TG: variants seen among roughly 807,000 people sequenced by gnomAD.
The protein encoded by TG is thyroid hormones.
Under a neutral mutation model 324.7 loss-of-function variants are expected in TG, and 270 were observed. That is an observed-to-expected ratio of 0.83 (90% CI 0.75 to 0.92). TG has a LOEUF of 0.92. Ranked by LOEUF, TG falls within the 40% of genes least tolerant of loss-of-function variation. The pLI is 0.00. For synonymous variants in TG, 1,401 were observed against 1,327.0 expected (o/e 1.06, Z -1.21); for missense variants, 3,591 against 3,456.4 (o/e 1.04, Z -0.98).
chr8:133,020,340 G>A (rs1032644194), intron 39 of TG, among the ~76,000 whole-genome samples: 1 of 152,180 alleles, frequency 6.6e-6, no homozygotes, highest in African/African-American at 2.4e-5. Context: ...CAGGTGACAG[G>A]CCCTGCACAG....
chr8:133,111,583 G>C (rs1850249934), intron 43 of TG, among the ~76,000 whole-genome samples: 1 of 152,168 alleles, frequency 6.6e-6, no homozygotes, highest in South Asian at 2.1e-4. Context: ...GAACAGACTA[G>C]ACTAGACTAG....
chr8:133,012,453 A>G (rs1834605533), intron 36 of TG, among the ~76,000 whole-genome samples: 1 of 152,170 alleles, frequency 6.6e-6, no homozygotes, highest in African/African-American at 2.4e-5. Context: ...TTTGGGAGAC[A>G]TTTTTCAATG....
At chr8:132,931,069 T>A (rs1822648936) in intron 23 of TG, among the ~76,000 whole-genome samples, 1 of 152,204 alleles carries the variant, frequency 6.6e-6, no homozygotes, top group Non-Finnish European at 1.5e-5. Context: ...CTTGTAATTC[T>A]GGAGGCCAGA....
chr8:133,071,452 G>A (rs1844017419), intron 41 of TG, among the ~76,000 whole-genome samples: 2 of 152,194 alleles, frequency 1.3e-5, no homozygotes, highest in Non-Finnish European at 1.5e-5. Flanking sequence ...TTTCTGGCAA[G>A]GTTATGGTAC....
intron 35 of TG, among the ~76,000 whole-genome samples, chr8:132,987,956 G>T (rs1419321048): frequency 6.6e-6 from 1 of 152,022 alleles, no homozygotes; most frequent in African/African-American, 2.4e-5. Flanking sequence ...ACAGGTGCAT[G>T]AGATTTCAGA....
At chr8:133,073,680 T>G (rs1027912671) in intron 41 of TG, among the ~76,000 whole-genome samples, 28 of 152,122 alleles carry the variant, frequency 1.8e-4, no homozygotes, top group African/African-American at 6.5e-4. Context: ...AACCACACAA[T>G]GACAATTTAA....
chr8:132,882,649 T>C, intron 7 of TG, 37 bp downstream of exon 7: 2 of 1,614,162 alleles, frequency 1.2e-6, no homozygotes, highest in Non-Finnish European at 8.5e-7. Flanking sequence ...CGTGTTTCCA[T>C]TAGGGGGACG....
chr8:132,983,239 C>A, intron 34 of TG, 111 bp from the exon 35 acceptor site: 2 of 1,173,680 alleles, frequency 1.7e-6, no homozygotes, highest in Non-Finnish European at 2.6e-6. Flanking sequence ...AATCTGTCTG[C>A]CTTCCAAGTC....
intron 43 of TG, chr8:133,102,662 AT>A (rs1849416227): frequency 8.8e-7 from 1 of 1,140,442 alleles, no homozygotes; most frequent in Non-Finnish European, 1.3e-6. Flanking sequence ...GTCATGGGGA[AT>A]TTCTCCCCCT....
In TG at chr8:132,966,663, T is replaced by C. The variant is rs1009825006; in HGVS notation, c.5652T>C (p.Phe1884=). ...SQKHWLFKHL[F]SAQQANLWCL... ...AGCACTGGCTTTTCAAGCACCTGTT[T>C]TCAGCCCAGCAGGCAAACCTATGGT... is the stretch of plus-strand genomic sequence containing the variant. The change falls in exon 30 of 48, where the codon TTT becomes TTC. Residue 1884 remains phenylalanine (F), a synonymous_variant. Transcript: ENST00000220616. The C allele has an allele frequency of 6.2e-7, 1 of 1,614,010 alleles. No individual in the cohort carries two copies. Among genetic ancestry groups the C allele is most frequent in the Non-Finnish European group, 8.5e-7 (1 of 1,180,010 alleles).
At position 133,095,144 on chromosome 8, in the gene TG, G is replaced by A; in HGVS notation, c.7340G>A (p.Ser2447Asn). 1 of 1,614,252 alleles carries A rather than the reference G, an allele frequency of 6.2e-7. No individual in the cohort carries two copies. The highest frequency in any genetic ancestry group is 1.1e-5 in the South Asian group (1 of 91,088). ...GAGGTCAGTTGCCCCATGTCATCCA[G>A]CCAAGAAGTGGTGTCCTGCCTCCGC... ...AKEVSCPMSSSQEVVSCLRQK... is the reference protein window; with the variant it reads ...AKEVSCPMSSNQEVVSCLRQK... Residue 2447 changes from serine (S) to asparagine (N), a missense_variant, in exon 42 of 48, where the codon AGC (serine) becomes AAC (asparagine). Ser to Asn is a conservative substitution (Grantham distance 46). Transcript: ENST00000220616.
At chr8:133,014,324 A>G (rs1430691812) in intron 37 of TG, among the ~76,000 whole-genome samples, 1 of 152,228 alleles carries the variant, frequency 6.6e-6, no homozygotes, top group African/African-American at 2.4e-5. Flanking sequence ...GTTTTAAAAC[A>G]CGTGTCAGAT....
chr8:133,063,367 A>T (rs960424339), intron 41 of TG, among the ~76,000 whole-genome samples: 2 of 151,964 alleles, frequency 1.3e-5, no homozygotes, highest in Admixed American at 6.6e-5. Flanking sequence ...CTTTATGTCA[A>T]CCATTCCAGA....
chr8:133,114,493 G>T (rs74370099), intron 44 of TG, among the ~76,000 whole-genome samples: 5,605 of 152,280 alleles, frequency 0.037, 341 homozygotes, highest in African/African-American at 0.13. Context: ...AGATGCACAA[G>T]AAATGATTTT....
At chr8:132,932,197 A>G (rs1043099181) in intron 23 of TG, among the ~76,000 whole-genome samples, 3 of 152,208 alleles carry the variant, frequency 2.0e-5, no homozygotes, top group African/African-American at 7.2e-5. Context: ...TGCCTAGTTC[A>G]TAAAAGACAT....
chr8:132,930,395 G>C (rs1822525906), intron 23 of TG, among the ~76,000 whole-genome samples: 1 of 152,152 alleles, frequency 6.6e-6, no homozygotes, highest in Admixed American at 6.6e-5. Flanking sequence ...AAGTTAGAAG[G>C]GCAGGCAGGG....
At chr8:133,096,808 T>C in intron 43 of TG, among the ~76,000 whole-genome samples, 1 of 152,186 alleles carries the variant, frequency 6.6e-6, no homozygotes, top group Non-Finnish European at 1.5e-5. Flanking sequence ...GGCTTCCAAG[T>C]TAAATTTCCT....
At chr8:132,895,722 A>G (rs1816991383) in intron 11 of TG, among the ~76,000 whole-genome samples, 1 of 152,236 alleles carries the variant, frequency 6.6e-6, no homozygotes, top group Non-Finnish European at 1.5e-5. Flanking sequence ...ATTTTTGTAC[A>G]AAGACAGGAT....
chr8:133,110,483 A>C (rs1850169292), intron 43 of TG, among the ~76,000 whole-genome samples: 1 of 152,234 alleles, frequency 6.6e-6, no homozygotes, highest in Non-Finnish European at 1.5e-5. Flanking sequence ...AATAAAAGCA[A>C]GAGAGCCTTC....
Sources: gnomAD v4.1 joint callset for allele counts (sites outside exome capture counted in the v4.1 genomes callset) on GRCh38, gnomAD v4.1.1 for gene constraint, MANE v1.5 for transcripts, NCBI Gene and HGNC (gene_info 2026-07-23, HGNC 2026-07-21) for gene names.